Variants in PPP3CC observed in about 807,000 individuals in gnomAD.
PPP3CC encodes the protein protein phosphatase 3 catalytic subunit gamma.
Under a neutral mutation model 60.3 loss-of-function variants are expected in PPP3CC, and 35 were observed. That is an observed-to-expected ratio of 0.58 (90% CI 0.44 to 0.77). PPP3CC has a LOEUF of 0.77. Among genes scored for constraint, PPP3CC ranks in the 30% least tolerant of loss-of-function variants. The pLI is 0.00. For missense variants in PPP3CC, 570 were observed against 628.9 expected, an observed-to-expected ratio of 0.91 and a Z score of 1.00; for synonymous variants, 206 against 224.3, an observed-to-expected ratio of 0.92 and a Z score of 0.73.
intron 6 of PPP3CC, 38 bp from the exon 7 acceptor site, chr8:22,522,453 T>C (rs1839432478): frequency 6.5e-7 from 1 of 1,531,368 alleles, no homozygotes; most frequent in Non-Finnish European, 8.9e-7. Context: ...AAAAATTGTT[T>C]TAATTCTGGA....
chr8:22,461,395 G>C lies in PPP3CC; in HGVS notation c.50-13559G>C, dbSNP rs117593978. 3.4e-3 allele frequency among the ~76,000 whole-genome samples: 519 copies of C among 152,114 alleles called. 3 individuals are homozygous for C. Among genetic ancestry groups the C allele is most frequent in the Middle Eastern group, 0.01 (3 of 294 alleles). ...GATATCCAAAACACTCTGATTCCTG[G>C]GTAAGTTCCAGCAGTATTGGATGTT... is the stretch of plus-strand genomic sequence containing the variant. On this transcript the variant is annotated intron_variant, in intron 1 of 13. Coordinates refer to ENST00000240139, the MANE Select transcript of PPP3CC (RefSeq NM_005605.5).
intron 1 of PPP3CC, among the ~76,000 whole-genome samples, chr8:22,450,701 CT>C (rs1836987227): frequency 6.6e-6 from 1 of 152,240 alleles, no homozygotes; most frequent in African/African-American, 2.4e-5. Flanking sequence ...GGGATAAACT[CT>C]TTGTTGATGG....
chr8:22,538,549 C>T (rs931141023), intron 12 of PPP3CC, among the ~76,000 whole-genome samples: 1 of 152,170 alleles, frequency 6.6e-6, no homozygotes, highest in Non-Finnish European at 1.5e-5. Context: ...ACTGTTACTG[C>T]TCATTATTCT....
intron 1 of PPP3CC, among the ~76,000 whole-genome samples, chr8:22,444,726 C>T (rs567609733): frequency 6.6e-6 from 1 of 152,198 alleles, no homozygotes; most frequent in Non-Finnish European, 1.5e-5. Context: ...TTCATTTCTT[C>T]TTTGCTTTAA....
chr8:22,444,261 CAAA>C (rs140849668), intron 1 of PPP3CC, among the ~76,000 whole-genome samples: 1 of 122,584 alleles, frequency 8.2e-6, no homozygotes, highest in Non-Finnish European at 1.8e-5. Flanking sequence ...AGTCTCAAGC[CAAA>C]AAAAAAAAAA....
rs117869417 is a variant in PPP3CC at position 22,476,337 on chromosome 8, C to T, written c.372+713C>T. ...AAAGAGAAAAAAACTTTTGAAATAG[C>T]GTGGGTAATAGGATTTGTAATGTGA... On this transcript the variant is annotated intron_variant, in intron 3 of 13. Transcript: ENST00000240139. Among the ~76,000 whole-genome samples the T allele has an allele frequency of 4.6e-5, 7 of 152,244 alleles. No homozygotes were observed. In the East Asian group the frequency reaches 9.6e-4, roughly 21 times the overall value.
intron 1 of PPP3CC, among the ~76,000 whole-genome samples, chr8:22,468,669 C>T (rs1286107842): frequency 6.6e-6 from 1 of 152,036 alleles, no homozygotes; most frequent in Admixed American, 6.6e-5. Context: ...TAGATTTTCT[C>T]ATTTGGTAAT....
intron 1 of PPP3CC, among the ~76,000 whole-genome samples, chr8:22,454,598 A>G (rs948456981): frequency 5.9e-5 from 9 of 152,212 alleles, no homozygotes; most frequent in African/African-American, 2.2e-4. Context: ...AGTACCACAA[A>G]TGTGAGTAGT....
At chr8:22,485,463 C>T (rs942055619) in intron 3 of PPP3CC, among the ~76,000 whole-genome samples, 1 of 152,158 alleles carries the variant, frequency 6.6e-6, no homozygotes, top group African/African-American at 2.4e-5. Context: ...GACACCATCC[C>T]ATCCAAATCC....
At chr8:22,470,045 G>A (rs1837670780) in intron 1 of PPP3CC, among the ~76,000 whole-genome samples, 1 of 147,450 alleles carries the variant, frequency 6.8e-6, no homozygotes, top group African/African-American at 2.5e-5. Flanking sequence ...ATAAATATGG[G>A]TGATATATAT....
chr8:22,445,519 G>A (rs1395779192), intron 1 of PPP3CC, among the ~76,000 whole-genome samples: 1 of 152,066 alleles, frequency 6.6e-6, no homozygotes, highest in Non-Finnish European at 1.5e-5. Flanking sequence ...GGTATATTTT[G>A]AATTCAAAGG....
intron 3 of PPP3CC, among the ~76,000 whole-genome samples, chr8:22,490,771 A>G (rs1446709737): frequency 2.0e-5 from 3 of 152,112 alleles, no homozygotes; most frequent in African/African-American, 7.2e-5. Flanking sequence ...TGTCCCTACA[A>G]AGGACATGAA....
intron 10 of PPP3CC, among the ~76,000 whole-genome samples, chr8:22,529,184 G>A (rs749079884): frequency 6.6e-6 from 1 of 152,108 alleles, no homozygotes; most frequent in Non-Finnish European, 1.5e-5. Flanking sequence ...AACACTTCTT[G>A]ATTATTTCCA....
chr8:22,441,660 C>T (rs1836675655), intron 1 of PPP3CC, among the ~76,000 whole-genome samples: 2 of 152,184 alleles, frequency 1.3e-5, no homozygotes, highest in Non-Finnish European at 2.9e-5. Context: ...GGTGCCTGGC[C>T]GTCAGTGCCA....
chr8:22,532,012 T>C (rs886915057), intron 10 of PPP3CC, among the ~76,000 whole-genome samples: 2 of 152,272 alleles, frequency 1.3e-5, no homozygotes, highest in Non-Finnish European at 2.9e-5. Context: ...TTGTGGCCTC[T>C]CATTTTTTAC....
At chr8:22,506,290 T>C (rs547630073) in intron 4 of PPP3CC, among the ~76,000 whole-genome samples, 2 of 152,076 alleles carry the variant, frequency 1.3e-5, no homozygotes, top group Non-Finnish European at 2.9e-5. Context: ...AGAAACAGCA[T>C]GAAGGCCAGA....
chr8:22,497,295 C>T (rs1183795051), intron 3 of PPP3CC, among the ~76,000 whole-genome samples: 1 of 151,790 alleles, frequency 6.6e-6, no homozygotes, highest in African/African-American at 2.4e-5. Flanking sequence ...TCCCAAAGTG[C>T]TGAGATTACA....
intron 4 of PPP3CC, among the ~76,000 whole-genome samples, chr8:22,509,416 A>G (rs933662430): frequency 1.3e-5 from 2 of 152,208 alleles, no homozygotes; most frequent in African/African-American, 2.4e-5. Flanking sequence ...ATCCTGGAAG[A>G]GGAGAAGGAG....
chr8:22,478,173 A>G (rs917729879), intron 3 of PPP3CC, among the ~76,000 whole-genome samples: 5 of 145,754 alleles, frequency 3.4e-5, no homozygotes, highest in African/African-American at 2.6e-5. Context: ...TTTTTTTGAG[A>G]TGGAGTCTTG....
Sources: gnomAD v4.1 joint callset for allele counts (sites outside exome capture counted in the v4.1 genomes callset) on GRCh38, gnomAD v4.1.1 for gene constraint, MANE v1.5 for transcripts, NCBI Gene and HGNC (gene_info 2026-07-23, HGNC 2026-07-21) for gene names.